Variants in OCA2 observed in about 807,000 individuals in gnomAD.
OCA2 encodes the protein OCA2 melanosomal transmembrane protein.
Under a neutral mutation model 100.2 loss-of-function variants are expected in OCA2, and 77 were observed. That is an observed-to-expected ratio of 0.77 (90% CI 0.64 to 0.93). The LOEUF (loss-of-function observed/expected upper bound fraction) is 0.93, where lower values mean the gene tolerates loss of function less well. Among genes scored for constraint, OCA2 ranks in the 40% least tolerant of loss-of-function variants. The pLI is 0.00. For missense variants in OCA2, 1,062 were observed against 1,089.1 expected (o/e 0.98, Z 0.35); for synonymous variants, 432 against 439.2 (o/e 0.98, Z 0.21).
At chr15:28,072,325 C>T (rs527369767) in intron 2 of OCA2, among the ~76,000 whole-genome samples, 3 of 152,088 alleles carry the variant, frequency 2.0e-5, no homozygotes, top group Admixed American at 6.5e-5. Flanking sequence ...TGCGGTGGCT[C>T]ACGCCTGTAA....
intron 9 of OCA2, among the ~76,000 whole-genome samples, chr15:28,013,204 T>C (rs1244070382): frequency 6.6e-6 from 1 of 152,144 alleles, no homozygotes; most frequent in Non-Finnish European, 1.5e-5. Flanking sequence ...AGATCTCAAT[T>C]GTAGTCTGTA....
intron 6 of OCA2, among the ~76,000 whole-genome samples, chr15:28,019,954 G>A (rs2042539593): frequency 6.6e-6 from 1 of 152,318 alleles, no homozygotes; most frequent in East Asian, 1.9e-4. Flanking sequence ...TTTCCAAGGA[G>A]CCTGCTGGAG....
chr15:27,807,628 G>A (rs753495255), intron 23 of OCA2, among the ~76,000 whole-genome samples: 53 of 152,142 alleles, frequency 3.5e-4, no homozygotes, highest in Middle Eastern at 6.8e-3. Flanking sequence ...CTGGAGACTT[G>A]CACTGAGGTA....
intron 19 of OCA2, among the ~76,000 whole-genome samples, chr15:27,923,998 G>T (rs567456146): frequency 6.6e-6 from 1 of 152,080 alleles, no homozygotes; most frequent in South Asian, 2.1e-4. Flanking sequence ...TGGGGTTTAC[G>T]TTTAAGTCTT....
intron 19 of OCA2, 66 bp from the exon 20 acceptor site, chr15:27,871,988 A>T: frequency 1.6e-6 from 2 of 1,238,350 alleles, no homozygotes; most frequent in Non-Finnish European, 2.4e-6. Flanking sequence ...TTTAAAAAAA[A>T]AGTCTTGAAA....
At chr15:27,789,662 C>A (rs566980548) in intron 23 of OCA2, among the ~76,000 whole-genome samples, 120 of 152,158 alleles carry the variant, frequency 7.9e-4, no homozygotes, top group Non-Finnish European at 1.4e-3. Context: ...ACATTCCCTG[C>A]ATCACCTATT....
chr15:27,888,656 C>CT (rs1003319553), intron 19 of OCA2, among the ~76,000 whole-genome samples: 2 of 152,060 alleles, frequency 1.3e-5, no homozygotes, highest in African/African-American at 2.4e-5. Context: ...AACAGAATTT[C>CT]TTTTTTTTAA....
At chr15:27,927,556 T>C (rs1419528700) in intron 18 of OCA2, among the ~76,000 whole-genome samples, 3 of 152,230 alleles carry the variant, frequency 2.0e-5, no homozygotes, top group Non-Finnish European at 4.4e-5. Context: ...AGCTTAATAC[T>C]ATGCAATGTT....
intron 21 of OCA2, among the ~76,000 whole-genome samples, chr15:27,858,033 G>T (rs1242959526): frequency 1.3e-5 from 2 of 151,128 alleles, no homozygotes; most frequent in African/African-American, 4.9e-5. Flanking sequence ...AAAAAAAAAG[G>T]CAGTAATGGA....
In OCA2 at chr15:28,043,971, G is replaced by A. The variant is rs1022420708; in HGVS notation, c.228-11808C>T. ...CACAGAAAGGCCAATGAATGCTTGA[G>A]TCCTGGAAAGGAAAACATTGAGCAA... On this transcript the variant is annotated intron_variant, in intron 2 of 23. Coordinates refer to ENST00000354638, the MANE Select transcript of OCA2 (RefSeq NM_000275.3). The surrounding 1 kb of genome is among the most constrained non-coding windows in gnomAD (Gnocchi z 4.4). Among the ~76,000 whole-genome samples, 1 of 152,192 alleles carries A rather than the reference G, an allele frequency of 6.6e-6. No homozygotes were observed. Among genetic ancestry groups the A allele is most frequent in the Admixed American group, 6.5e-5 (1 of 15,276 alleles).
Position 27,840,504 on chromosome 15 carries a change from CA to C in OCA2, c.2432+4454del, listed in dbSNP as rs1286269603. ...TTCTGATCCTAATAAAAGTGTAATC[CA>C]GTATGTTGTCTCTCATAGCTCCAGT... On this transcript the variant is annotated intron_variant, in intron 23 of 23. Coordinates refer to ENST00000354638, the MANE Select transcript of OCA2 (RefSeq NM_000275.3). 4.0e-5 allele frequency among the ~76,000 whole-genome samples: 6 copies of C among 151,878 alleles called. No homozygotes were observed. The South Asian group carries it at 1.2e-3, about 32-fold the overall frequency.
intron 18 of OCA2, among the ~76,000 whole-genome samples, chr15:27,939,901 T>C (rs1198446740): frequency 6.6e-6 from 1 of 152,230 alleles, no homozygotes; most frequent in Non-Finnish European, 1.5e-5. Flanking sequence ...CGTTTACTCC[T>C]CATTGCAGGT....
At chr15:27,831,223 T>C (rs1358364805) in intron 23 of OCA2, among the ~76,000 whole-genome samples, 3 of 140,894 alleles carry the variant, frequency 2.1e-5, no homozygotes, top group Non-Finnish European at 4.5e-5. Context: ...GAGTCCGAGG[T>C]TGCAGCGAGC....
At chr15:28,084,188 C>G (rs1365599508) in intron 1 of OCA2, among the ~76,000 whole-genome samples, 1 of 152,188 alleles carries the variant, frequency 6.6e-6, no homozygotes, top group African/African-American at 2.4e-5. Context: ...AGGAGGTGGG[C>G]CTCCCCAGAC....
In OCA2 at chr15:27,762,184, TCCCACCCTCC is replaced by T. The variant is rs564634675; in HGVS notation, c.2433-6722_2433-6713del. ...AAGTAATTTCCCATCCCTCACCCTC[TCCCACCCTCC>T]CATCTTTCTGAGTCTACAATGTCTA... On this transcript the variant is annotated intron_variant, in intron 23 of 23. Coordinates refer to ENST00000354638, the MANE Select transcript of OCA2 (RefSeq NM_000275.3). Among the ~76,000 whole-genome samples, 5 of 152,056 alleles carry T rather than the reference TCCCACCCTCC, an allele frequency of 3.3e-5. No homozygotes were observed. In the East Asian group the frequency reaches 7.8e-4, roughly 24 times the overall value.
At chr15:27,857,837 A>T (rs967944056) in intron 21 of OCA2, among the ~76,000 whole-genome samples, 29 of 152,334 alleles carry the variant, frequency 1.9e-4, no homozygotes, top group Admixed American at 1.4e-3. Context: ...ACTGTAAAGG[A>T]AGTAAGGACT....
At position 28,016,107 on chromosome 15, in the gene OCA2, G is replaced by T; in HGVS notation, c.887C>A (p.Thr296Asn). The T allele has an allele frequency of 6.2e-7, 1 of 1,613,602 alleles. No individual in the cohort carries two copies. The highest frequency in any genetic ancestry group is 8.5e-7 in the Non-Finnish European group (1 of 1,179,590). ...SVMSRTFEVL[T>N]RETVSISIRA... ...ACCTCACTCACTGAGAACTCACCTGGTCAGTACCTCAAAGGTCCTGCTCAT... is the reference window on the plus strand; with the variant it reads ...ACCTCACTCACTGAGAACTCACCTGTTCAGTACCTCAAAGGTCCTGCTCAT... Residue 296 changes from threonine to asparagine, a missense_variant, in exon 8 of 24, where the codon ACC (threonine) becomes AAC (asparagine). By Grantham distance (65) the Thr-to-Asn change is moderately conservative. Coordinates refer to ENST00000354638, the MANE Select transcript of OCA2 (RefSeq NM_000275.3).
intron 19 of OCA2, among the ~76,000 whole-genome samples, chr15:27,878,417 T>C (rs900762596): frequency 2.0e-5 from 3 of 152,136 alleles, no homozygotes; most frequent in Non-Finnish European, 4.4e-5. Flanking sequence ...ATTCCAGTCA[T>C]TTCCTCCATC....
intron 7 of OCA2, among the ~76,000 whole-genome samples, chr15:28,017,487 C>G (rs1403430326): frequency 2.0e-5 from 3 of 152,184 alleles, no homozygotes; most frequent in African/African-American, 7.2e-5. Context: ...ACCAAGGAGC[C>G]CCTTGCCAGA....
Sources: gnomAD v4.1 joint callset for allele counts (sites outside exome capture counted in the v4.1 genomes callset) on GRCh38, gnomAD v4.1.1 for gene constraint, Gnocchi (gnomAD v3.1) non-coding constraint, MANE v1.5 for transcripts, NCBI Gene and HGNC (gene_info 2026-07-23, HGNC 2026-07-21) for gene names.